Variants in WASHC2C observed in about 807,000 individuals in gnomAD.
WASHC2C encodes the protein WASH complex subunit 2C.
A neutral mutation model predicts 142.2 loss-of-function variants in WASHC2C; 73 were observed. The ratio of observed to expected loss-of-function variants is 0.51; its 90% CI spans 0.43 to 0.62. The LOEUF is 0.62. Ranked by LOEUF, WASHC2C falls within the 20% of genes least tolerant of loss-of-function variation. The pLI, the probability that WASHC2C is intolerant of heterozygous loss-of-function variation, is 0.00. For synonymous variants in WASHC2C, 337 were observed against 565.5 expected (o/e 0.60, Z 5.73); for missense variants, 969 against 1,531.7 (o/e 0.63, Z 6.13).
intron 16 of WASHC2C, among the ~76,000 whole-genome samples, chr10:45,758,272 G>A (rs2054579628): frequency 2.0e-5 from 3 of 152,060 alleles, no homozygotes; most frequent in Admixed American, 1.3e-4. Context: ...TGGTTGTTAG[G>A]GTGCCCACCA....
intron 17 of WASHC2C, among the ~76,000 whole-genome samples, chr10:45,759,671 T>G (rs2054835040): frequency 6.6e-6 from 1 of 151,832 alleles, no homozygotes; most frequent in South Asian, 2.1e-4. Context: ...AGACAAAAAT[T>G]AGCCGGGTAT....
chr10:45,779,479 T>C (rs1437628536), intron 23 of WASHC2C, among the ~76,000 whole-genome samples: 1 of 152,208 alleles, frequency 6.6e-6, no homozygotes, highest in Non-Finnish European at 1.5e-5. Context: ...TAACATTCAG[T>C]TTAAGAAAAA....
At chr10:45,764,495 G>A (rs1437108273) in intron 18 of WASHC2C, among the ~76,000 whole-genome samples, 1 of 150,202 alleles carries the variant, frequency 6.7e-6, no homozygotes, top group Non-Finnish European at 1.5e-5. Flanking sequence ...TTTGGATCAA[G>A]TGGAGATACA....
intron 5 of WASHC2C, among the ~76,000 whole-genome samples, chr10:45,742,038 G>A (rs1366058289): frequency 1.4e-4 from 21 of 150,698 alleles, no homozygotes; most frequent in Non-Finnish European, 2.1e-4. Context: ...CAAGTGATCC[G>A]CCCGCCTCGG....
intron 26 of WASHC2C, 64 bp downstream of exon 26, chr10:45,785,695 A>G (rs2057987910): frequency 6.2e-7 from 1 of 1,610,658 alleles, no homozygotes; most frequent in African/African-American, 1.3e-5. Context: ...AAATTCCATT[A>G]TGCAGACCCA....
chr10:45,746,656 CAT>C lies in WASHC2C; in HGVS notation c.732+14_732+15del. 1 of 1,613,064 alleles carries C rather than the reference CAT, an allele frequency of 6.2e-7. No individual in the cohort carries two copies. On this transcript the variant is annotated intron_variant, in intron 8 of 30. Transcript: ENST00000623400. Reference sequence around the variant, plus strand: ...ACAATGAACAAAACCAGGTAAGGCTCATATATTGAAATGACTTTGTTTTTACA... The same window carrying C: ...ACAATGAACAAAACCAGGTAAGGCTCATATTGAAATGACTTTGTTTTTACA...
At position 45,752,626 on chromosome 10, in the gene WASHC2C, G is replaced by A. The variant is rs781856546; in HGVS notation, c.1042G>A (p.Asp348Asn). The A allele has an allele frequency of 1.8e-5, 29 of 1,609,790 alleles. 2 individuals carry two copies. The highest frequency in any genetic ancestry group is 7.7e-5 in the South Asian group (7 of 90,936). The change falls in exon 12 of 31, where the codon GAC (aspartate) becomes AAC (asparagine). Residue 348 changes from aspartate (D) to asparagine (N), a missense_variant. Physicochemically the swap from Asp to Asn is conservative, Grantham distance 23 (BLOSUM62 1). Transcript: ENST00000623400. ...DNLFAPPKLT[D>N]EDFSPFGSGG... is the part of the protein sequence containing the mutation. Reference sequence around the variant, plus strand: ...CTTATTCGCACCCCCCAAGCTGACCGACGAGGACTTCTCGCCATTTGGCTC... The same window carrying A: ...CTTATTCGCACCCCCCAAGCTGACCAACGAGGACTTCTCGCCATTTGGCTC...
In WASHC2C at chr10:45,757,087, C is replaced by T. The variant is rs1248507523; in HGVS notation, c.1496C>T (p.Pro499Leu). 5.6e-6 allele frequency: 9 copies of T among 1,608,550 alleles called. No individual in the cohort carries two copies. In the East Asian group the frequency reaches 1.8e-4, roughly 32 times the overall value. Reference protein sequence around the residue: ...DLFKEKAVASPEATVSQTDEN... With the variant: ...DLFKEKAVASLEATVSQTDEN... ...TTCAAAGAAAAAGCCGTAGCATCGCCAGAAGCCACTGTGAGTCAGACAGAT... is the reference window on the plus strand; with the variant it reads ...TTCAAAGAAAAAGCCGTAGCATCGCTAGAAGCCACTGTGAGTCAGACAGAT... Residue 499 changes from proline (P) to leucine (L), a missense_variant, in exon 16 of 31, where the codon CCA becomes CTA. By Grantham distance (98) the Pro-to-Leu change is moderately conservative. Transcript: ENST00000623400.
intron 19 of WASHC2C, among the ~76,000 whole-genome samples, chr10:45,766,823 C>T: frequency 6.6e-6 from 1 of 152,122 alleles, no homozygotes; most frequent in Non-Finnish European, 1.5e-5. Context: ...GAGTATTAAA[C>T]ATCTTCCTGT....
intron 26 of WASHC2C, among the ~76,000 whole-genome samples, chr10:45,786,157 G>C (rs1271672917): frequency 2.6e-5 from 4 of 152,176 alleles, no homozygotes; most frequent in Middle Eastern, 6.8e-3. Flanking sequence ...TGAAGCCTTA[G>C]TGTCCTGAGC....
chr10:45,749,836 A>AATAT (rs1554873239), intron 8 of WASHC2C, among the ~76,000 whole-genome samples: 2 of 101,770 alleles, frequency 2.0e-5, no homozygotes, highest in African/African-American at 4.4e-5. Context: ...AAAAAAAAAA[A>AATAT]ATATATATAT....
chr10:45,765,237 ACAGACCCC>A (rs1470846910), intron 18 of WASHC2C, among the ~76,000 whole-genome samples: 63 of 148,334 alleles, frequency 4.2e-4, no homozygotes, highest in Non-Finnish European at 6.1e-4. Context: ...AGGAGTGGAG[ACAGACCCC>A]CAGTTCTCTC....
chr10:45,745,689 C>T (rs1259722941), intron 7 of WASHC2C, among the ~76,000 whole-genome samples: 1 of 151,828 alleles, frequency 6.6e-6, no homozygotes, highest in African/African-American at 2.4e-5. Context: ...CGATGTGGCA[C>T]TTCTATGTGG....
At chr10:45,736,299 A>G (rs529936926) in intron 3 of WASHC2C, among the ~76,000 whole-genome samples, 1,627 of 144,100 alleles carry the variant, frequency 0.011, 8 homozygotes, top group Middle Eastern at 0.038. Flanking sequence ...CCAGCTACTC[A>G]GGAGGCTGAG....
chr10:45,752,628 C>A lies in WASHC2C; in HGVS notation c.1044C>A (p.Asp348Glu), dbSNP rs782097204. 6 of 1,609,762 alleles carry A rather than the reference C, an allele frequency of 3.7e-6. No homozygotes were observed. Among genetic ancestry groups the A allele is most frequent in the East Asian group, 2.2e-5 (1 of 44,800 alleles). ...TATTCGCACCCCCCAAGCTGACCGA[C>A]GAGGACTTCTCGCCATTTGGCTCTG... ...DNLFAPPKLTDEDFSPFGSGG... is the reference protein window; with the variant it reads ...DNLFAPPKLTEEDFSPFGSGG... The change falls in exon 12 of 31, where the codon GAC becomes GAA. Residue 348 changes from aspartate (D) to glutamate (E), a missense_variant. Physicochemically the swap from Asp to Glu is conservative, Grantham distance 45. Coordinates refer to ENST00000623400, the MANE Select transcript of WASHC2C (RefSeq NM_001330074.2).
chr10:45,766,783 G>T (rs536034503), intron 19 of WASHC2C, among the ~76,000 whole-genome samples: 14 of 151,704 alleles, frequency 9.2e-5, no homozygotes, highest in African/African-American at 2.4e-4. Context: ...TGCAGAAAAA[G>T]ACTTTAAATA....
chr10:45,764,010 C>T (rs1653581766), intron 18 of WASHC2C, among the ~76,000 whole-genome samples: 1 of 152,076 alleles, frequency 6.6e-6, no homozygotes, highest in Admixed American at 6.6e-5. Context: ...CTTCTTGACA[C>T]AGTTCTTATG....
At position 45,738,018 on chromosome 10, in the gene WASHC2C, C is replaced by G; in HGVS notation, c.327C>G (p.Leu109=). ...ATGAAGAAGTGGAGGAGCCAGTACT[C>G]AAGGCTGAGGCAGAAAAAACAGAGC... ...VYDEEVEEPV[L]KAEAEKTEQE... Residue 109 remains leucine, a synonymous_variant, in exon 4 of 31, where the codon CTC becomes CTG. Transcript: ENST00000623400. The G allele has an allele frequency of 1.2e-6, 2 of 1,611,724 alleles. No individual in the cohort carries two copies. Among genetic ancestry groups the G allele is most frequent in the Non-Finnish European group, 1.7e-6 (2 of 1,179,828 alleles).
chr10:45,783,328 T>G (rs1464393498), intron 23 of WASHC2C, among the ~76,000 whole-genome samples: 1 of 152,268 alleles, frequency 6.6e-6, no homozygotes, highest in African/African-American at 2.4e-5. Context: ...TTTGTAATAT[T>G]TTTCCACAGT....
Sources: gnomAD v4.1 joint callset for allele counts (sites outside exome capture counted in the v4.1 genomes callset) on GRCh38, gnomAD v4.1.1 for gene constraint, MANE v1.5 for transcripts, NCBI Gene and HGNC (gene_info 2026-07-23, HGNC 2026-07-21) for gene names.